ARHGAP18: variants seen among roughly 807,000 people sequenced by gnomAD.
ARHGAP18 encodes rho GTPase-activating protein 18.
Under a neutral mutation model 86.2 loss-of-function variants are expected in ARHGAP18, and 67 were observed. The observed-to-expected ratio is 0.78, with a 90% CI of 0.64 to 0.95. ARHGAP18 has a LOEUF of 0.95. ARHGAP18 is among the 40% of genes least tolerant of loss of function. ARHGAP18 has a pLI of 0.00. For synonymous variants in ARHGAP18, 283 were observed against 280.4 expected, an observed-to-expected ratio of 1.01 and a Z score of -0.09; for missense variants, 691 against 780.4, an observed-to-expected ratio of 0.89 and a Z score of 1.37.
intron 1 of ARHGAP18, among the ~76,000 whole-genome samples, chr6:129,649,574 A>AAAAAAAC (rs1773660164): frequency 6.6e-6 from 1 of 151,500 alleles, no homozygotes; most frequent in Non-Finnish European, 1.5e-5. Flanking sequence ...AAAAAAAAAA[A>AAAAAAAC]AAAAGTCACT....
chr6:129,609,773 G>T (rs1206430209), intron 8 of ARHGAP18, among the ~76,000 whole-genome samples: 1 of 152,024 alleles, frequency 6.6e-6, no homozygotes, highest in Non-Finnish European at 1.5e-5. Flanking sequence ...GACACAAGTG[G>T]AAAATTATGA....
intron 1 of ARHGAP18, among the ~76,000 whole-genome samples, chr6:129,705,761 T>C (rs1035549869): frequency 9.2e-5 from 14 of 152,226 alleles, no homozygotes; most frequent in African/African-American, 3.4e-4. Flanking sequence ...CACTCTTCTA[T>C]GGGCTTGACA....
intron 5 of ARHGAP18, among the ~76,000 whole-genome samples, chr6:129,625,172 GATATATTATATATT>G (rs1183187047): frequency 3.9e-4 from 16 of 41,474 alleles, no homozygotes; most frequent in South Asian, 1.1e-3. Context: ...TATTATATAT[GATATATTATATATT>G]ATATATGATA....
At chr6:129,691,787 G>A (rs1218557079) in intron 1 of ARHGAP18, among the ~76,000 whole-genome samples, 2 of 152,028 alleles carry the variant, frequency 1.3e-5, no homozygotes, top group African/African-American at 4.8e-5. Context: ...CTGTTTTCTG[G>A]TTCCCAAAAG....
chr6:129,709,656 TC>T (rs1204752783), intron 1 of ARHGAP18, among the ~76,000 whole-genome samples: 1 of 152,194 alleles, frequency 6.6e-6, no homozygotes. Flanking sequence ...AGCGAACAGT[TC>T]CAGTGGCAGT....
chr6:129,682,613 T>C (rs968235948), intron 1 of ARHGAP18, among the ~76,000 whole-genome samples: 8 of 152,180 alleles, frequency 5.3e-5, no homozygotes, highest in African/African-American at 1.9e-4. Flanking sequence ...ACTAAAACCC[T>C]AGAGACACAA....
At chr6:129,704,327 C>T (rs1466355197) in intron 1 of ARHGAP18, among the ~76,000 whole-genome samples, 1 of 152,056 alleles carries the variant, frequency 6.6e-6, no homozygotes, top group East Asian at 1.9e-4. Context: ...CACCTGTAAT[C>T]CCAGCTACTG....
chr6:129,680,604 G>GC (rs1440757936), intron 1 of ARHGAP18, among the ~76,000 whole-genome samples: 1 of 152,176 alleles, frequency 6.6e-6, no homozygotes, highest in Non-Finnish European at 1.5e-5. Context: ...TCAGCAAGCA[G>GC]CCCCCTACAC....
intron 1 of ARHGAP18, among the ~76,000 whole-genome samples, chr6:129,677,123 T>G (rs1026719374): frequency 2.0e-5 from 3 of 152,052 alleles, no homozygotes; most frequent in Admixed American, 6.6e-5. Context: ...CCGGGCGCGG[T>G]GGCTCACGCC....
chr6:129,633,219 G>T (rs1359354816), intron 4 of ARHGAP18, among the ~76,000 whole-genome samples: 1 of 150,520 alleles, frequency 6.6e-6, no homozygotes, highest in Non-Finnish European at 1.5e-5. Context: ...TTTGAGGTCA[G>T]GAGTTCAAGA....
chr6:129,594,515 C>G (rs528078581), intron 12 of ARHGAP18, among the ~76,000 whole-genome samples: 1 of 152,134 alleles, frequency 6.6e-6, no homozygotes, highest in Non-Finnish European at 1.5e-5. Flanking sequence ...TAATATGAAC[C>G]ACTCTATGAC....
In ARHGAP18 at chr6:129,588,094, C is replaced by T. The variant is rs797003135; in HGVS notation, c.1714-3982G>A. Among the ~76,000 whole-genome samples, 79 of 151,014 alleles carry T rather than the reference C, an allele frequency of 5.2e-4. 1 individual carries two copies. Among genetic ancestry groups the T allele is most frequent in the African/African-American group, 1.8e-3 (73 of 40,940 alleles). Reference sequence around the variant, plus strand: ...GGGGGCTACAGGCCCCACACAAGTCCGAAATCCAACAGGGAAGTCACCAAA... The same window carrying T: ...GGGGGCTACAGGCCCCACACAAGTCTGAAATCCAACAGGGAAGTCACCAAA... On this transcript the variant is annotated intron_variant, in intron 12 of 14. Transcript: ENST00000368149.
At position 129,611,665 on chromosome 6, in the gene ARHGAP18, C is replaced by T. The variant is rs561710214; in HGVS notation, c.1045-55G>A. On this transcript the variant is annotated intron_variant, in intron 7 of 14. Coordinates refer to ENST00000368149, the MANE Select transcript of ARHGAP18 (RefSeq NM_033515.3). ...TCCGTATTTGTAACAGGTACAATTCCGAATTTAACATCTGTTTCACATATA... is the reference window on the plus strand; with the variant it reads ...TCCGTATTTGTAACAGGTACAATTCTGAATTTAACATCTGTTTCACATATA... 832 of 1,426,086 alleles carry T rather than the reference C, an allele frequency of 5.8e-4. 4 individuals are homozygous for T. In the Middle Eastern group the frequency reaches 6.7e-3, roughly 11 times the overall value. The allele number at this position is 1,426,086 out of a possible 1,614,324, so 88.3% of individuals were successfully genotyped here.
chr6:129,621,232 G>T (rs1021584607), intron 5 of ARHGAP18, among the ~76,000 whole-genome samples: 1 of 152,116 alleles, frequency 6.6e-6, no homozygotes, highest in African/African-American at 2.4e-5. Flanking sequence ...GAAAATGTTG[G>T]AGTCAGTCTC....
At chr6:129,698,004 C>T (rs976127146) in intron 1 of ARHGAP18, among the ~76,000 whole-genome samples, 15 of 152,174 alleles carry the variant, frequency 9.9e-5, no homozygotes, top group African/African-American at 2.9e-4. Context: ...TTTCAACTTT[C>T]AGTTACCAAC....
chr6:129,592,925 T>C (rs1000091791), intron 12 of ARHGAP18, among the ~76,000 whole-genome samples: 3 of 152,168 alleles, frequency 2.0e-5, no homozygotes, highest in Non-Finnish European at 2.9e-5. Flanking sequence ...ATGTGTTCGA[T>C]TGTTGATGAT....
rs374123920 is a variant in ARHGAP18, at chr6:129,701,837, A to G, written c.113+8187T>C. ...AAAGAGATGGGTCAGTTAGCTATGA[A>G]ATGTAAGATGACTCAGGAGGTAACC... is the stretch of plus-strand genomic sequence containing the variant. On this transcript the variant is annotated intron_variant, in intron 1 of 14. Coordinates refer to ENST00000368149, the MANE Select transcript of ARHGAP18 (RefSeq NM_033515.3). Among the ~76,000 whole-genome samples the G allele has an allele frequency of 7.2e-5, 11 of 152,266 alleles. No homozygotes were observed. In the East Asian group the frequency reaches 1.2e-3, roughly 16 times the overall value.
chr6:129,607,744 ATGGCAGC>A, intron 9 of ARHGAP18, 142 bp downstream of exon 9: 1 of 699,366 alleles, frequency 1.4e-6, no homozygotes, highest in Non-Finnish European at 2.1e-6. Flanking sequence ...AAAACAATGC[ATGGCAGC>A]TGAGCACCCA....
At chr6:129,678,088 G>A (rs1307666894) in intron 1 of ARHGAP18, among the ~76,000 whole-genome samples, 1 of 152,206 alleles carries the variant, frequency 6.6e-6, no homozygotes, top group African/African-American at 2.4e-5. Flanking sequence ...TCAGATAACA[G>A]AGAGATGATT....
Sources: allele counts gnomAD v4.1 joint callset (sites outside exome capture counted in the v4.1 genomes callset), GRCh38; gene constraint gnomAD v4.1.1; transcripts MANE v1.5; gene names NCBI Gene and HGNC (gene_info 2026-07-23, HGNC 2026-07-21).